The following COMMD10 variants were observed in gnomAD, a reference collection of about 807,000 sequenced individuals.
The protein encoded by COMMD10 is COMM domain-containing protein 10.
In COMMD10, 33 loss-of-function variants were observed where a neutral mutation model predicts 28.9. The ratio of observed to expected loss-of-function variants is 1.14; its 90% CI spans 0.87 to 1.53. COMMD10 has a LOEUF of 1.53. Among genes scored for constraint, COMMD10 ranks in the 40% most tolerant of loss-of-function variants. The pLI, the probability that COMMD10 is intolerant of heterozygous loss-of-function variation, is 0.00. For missense variants in COMMD10, 310 were observed against 233.4 expected, an observed-to-expected ratio of 1.33 and a Z score of -2.14; for synonymous variants, 110 against 81.7, an observed-to-expected ratio of 1.35 and a Z score of -1.87.
chr5:116,233,933 C>G (rs1318136955), intron 5 of COMMD10, among the ~76,000 whole-genome samples: 1 of 152,034 alleles, frequency 6.6e-6, no homozygotes, highest in African/African-American at 2.4e-5. Flanking sequence ...GAGAAGGGTT[C>G]TAGAAGAATC....
chr5:116,203,235 C>A lies in COMMD10; in HGVS notation c.510+69057C>A, dbSNP rs140766601. On this transcript the variant is annotated intron_variant, in intron 5 of 6. Transcript: ENST00000274458. ...CAGAAAACCTCCAAGAAATATGGGA[C>A]TATGTGAAAAGACCAAATCTACGTC... Among the ~76,000 whole-genome samples, 1,136 of 152,036 alleles carry A rather than the reference C, an allele frequency of 7.5e-3. 23 individuals carry two copies. The highest frequency in any genetic ancestry group is 0.026 in the African/African-American group (1,096 of 41,488).
At chr5:116,126,795 A>G (rs1419434537) in intron 4 of COMMD10, among the ~76,000 whole-genome samples, 1 of 152,144 alleles carries the variant, frequency 6.6e-6, no homozygotes, top group Non-Finnish European at 1.5e-5. Flanking sequence ...TAAAGACTTA[A>G]AAATTAGACC....
chr5:116,086,122 T>C (rs755496167), intron 1 of COMMD10, among the ~76,000 whole-genome samples: 2 of 152,200 alleles, frequency 1.3e-5, no homozygotes, highest in African/African-American at 4.8e-5. Flanking sequence ...CTTGGTGTAC[T>C]CCCTATGTAA....
chr5:116,095,242 G>A (rs1750430086), intron 4 of COMMD10, among the ~76,000 whole-genome samples: 1 of 152,032 alleles, frequency 6.6e-6, no homozygotes, highest in African/African-American at 2.4e-5. Flanking sequence ...ACCCTGACAT[G>A]ATCATTACAC....
At chr5:116,168,621 C>G (rs1002012600) in intron 5 of COMMD10, among the ~76,000 whole-genome samples, 6 of 151,636 alleles carry the variant, frequency 4.0e-5, no homozygotes, top group Non-Finnish European at 8.9e-5. Flanking sequence ...GAATGGAAAT[C>G]ATAACAGACT....
intron 5 of COMMD10, among the ~76,000 whole-genome samples, chr5:116,268,790 C>T (rs1017848117): frequency 1.3e-5 from 2 of 151,754 alleles, no homozygotes; most frequent in Non-Finnish European, 2.9e-5. Flanking sequence ...AGTTTATGTC[C>T]TTTGTACGGA....
chr5:116,255,568 G>A (rs947637995), intron 5 of COMMD10, among the ~76,000 whole-genome samples: 1 of 151,520 alleles, frequency 6.6e-6, no homozygotes, highest in African/African-American at 2.4e-5. Flanking sequence ...TTAGGAGTCT[G>A]CAGAAACTAC....
intron 5 of COMMD10, among the ~76,000 whole-genome samples, chr5:116,201,578 T>A (rs1232411599): frequency 6.6e-6 from 1 of 152,172 alleles, no homozygotes; most frequent in African/African-American, 2.4e-5. Context: ...TGACTTGACT[T>A]CTCTTATGGA....
chr5:116,191,233 CAG>C (rs1255348367), intron 5 of COMMD10, among the ~76,000 whole-genome samples: 2 of 152,140 alleles, frequency 1.3e-5, no homozygotes, highest in African/African-American at 4.8e-5. Flanking sequence ...CAAAACTCCA[CAG>C]AGAGAAGTAA....
At chr5:116,247,663 G>A (rs987353355) in intron 5 of COMMD10, among the ~76,000 whole-genome samples, 3 of 151,966 alleles carry the variant, frequency 2.0e-5, no homozygotes, top group African/African-American at 7.2e-5. Flanking sequence ...CCTTTGCAGG[G>A]ACATGGATGG....
chr5:116,262,706 C>T (rs1750481571), intron 5 of COMMD10, among the ~76,000 whole-genome samples: 1 of 151,798 alleles, frequency 6.6e-6, no homozygotes, highest in Non-Finnish European at 1.5e-5. Context: ...GCATTTTGTC[C>T]TTTGTATTTT....
intron 5 of COMMD10, among the ~76,000 whole-genome samples, chr5:116,168,619 A>G (rs1753212560): frequency 6.6e-6 from 1 of 152,050 alleles, no homozygotes; most frequent in Non-Finnish European, 1.5e-5. Context: ...AAGAATGGAA[A>G]TCATAACAGA....
intron 5 of COMMD10, among the ~76,000 whole-genome samples, chr5:116,270,057 T>A (rs1001983866): frequency 1.3e-5 from 2 of 150,212 alleles, no homozygotes; most frequent in African/African-American, 4.9e-5. Flanking sequence ...TAAAAAAATA[T>A]TCTTGTTATC....
intron 5 of COMMD10, among the ~76,000 whole-genome samples, chr5:116,241,917 A>C (rs1277677402): frequency 6.6e-6 from 1 of 152,098 alleles, no homozygotes; most frequent in Non-Finnish European, 1.5e-5. Flanking sequence ...ACGCCCAGCC[A>C]ATTTGTCTTT....
chr5:116,164,821 A>G (rs925031845), intron 5 of COMMD10, among the ~76,000 whole-genome samples: 6 of 152,186 alleles, frequency 3.9e-5, no homozygotes, highest in Non-Finnish European at 8.8e-5. Flanking sequence ...CAGCTCAAAT[A>G]TGATATTTTA....
At chr5:116,124,923 A>T (rs1751571351) in intron 4 of COMMD10, among the ~76,000 whole-genome samples, 1 of 151,960 alleles carries the variant, frequency 6.6e-6, no homozygotes, top group African/African-American at 2.4e-5. Flanking sequence ...TGCTTGGTAG[A>T]TCTTCCTCTA....
At chr5:116,225,808 G>GTT (rs113147659) in intron 5 of COMMD10, among the ~76,000 whole-genome samples, 1 of 147,994 alleles carries the variant, frequency 6.8e-6, no homozygotes, top group Non-Finnish European at 1.5e-5. Flanking sequence ...CTAAAATCTT[G>GTT]TTTTTTTTTT....
At chr5:116,096,145 C>G (rs987725117) in intron 4 of COMMD10, among the ~76,000 whole-genome samples, 1 of 151,818 alleles carries the variant, frequency 6.6e-6, no homozygotes, top group Non-Finnish European at 1.5e-5. Context: ...TGTAAAAAAT[C>G]CTGCTTGGGG....
intron 5 of COMMD10, among the ~76,000 whole-genome samples, chr5:116,168,435 A>G (rs1239371365): frequency 6.6e-6 from 1 of 152,102 alleles, no homozygotes; most frequent in African/African-American, 2.4e-5. Context: ...GGGACAAAAA[A>G]TTAATAAGGA....
Sources: gnomAD v4.1 joint callset for allele counts (sites outside exome capture counted in the v4.1 genomes callset) on GRCh38, gnomAD v4.1.1 for gene constraint, MANE v1.5 for transcripts, NCBI Gene and HGNC (gene_info 2026-07-23, HGNC 2026-07-21) for gene names.